The following INO80D variants were observed in gnomAD, a reference collection of about 807,000 sequenced individuals.
INO80D encodes the protein INO80 complex subunit D.
INO80D carries 21 observed loss-of-function variants against 87.6 expected under a neutral mutation model. That is an observed-to-expected ratio of 0.24 (90% CI 0.17 to 0.35). The LOEUF (loss-of-function observed/expected upper bound fraction) is 0.35. Among genes scored for constraint, INO80D ranks in the 10% least tolerant of loss-of-function variants. The pLI, the probability that INO80D is intolerant of heterozygous loss-of-function variation, is 1.00. For missense variants in INO80D, 982 were observed against 1,280.7 expected, an observed-to-expected ratio of 0.77 and a Z score of 3.56; for synonymous variants, 440 against 491.0, an observed-to-expected ratio of 0.90 and a Z score of 1.37.
intron 5 of INO80D, among the ~76,000 whole-genome samples, chr2:206,043,924 G>C (rs999694342): frequency 6.6e-6 from 1 of 152,124 alleles, no homozygotes; most frequent in Non-Finnish European, 1.5e-5. Flanking sequence ...AGGCATGGTC[G>C]CTCATGCCTA....
intron 3 of INO80D, among the ~76,000 whole-genome samples, chr2:206,059,040 C>G (rs1449626638): frequency 7.4e-6 from 1 of 135,460 alleles, no homozygotes; most frequent in African/African-American, 2.8e-5. Context: ...ACCTGAGCAA[C>G]ATAGCAAGAC....
chr2:206,028,041 C>A (rs1181132791), intron 6 of INO80D, 70 bp downstream of exon 6: 2 of 1,112,312 alleles, frequency 1.8e-6, no homozygotes, highest in East Asian at 5.3e-5. Flanking sequence ...TGTGCCTCAA[C>A]TATCCTCTCA....
At chr2:206,032,160 A>G (rs1194355487) in intron 5 of INO80D, among the ~76,000 whole-genome samples, 1 of 152,196 alleles carries the variant, frequency 6.6e-6, no homozygotes, top group Non-Finnish European at 1.5e-5. Flanking sequence ...CTTTGTAACA[A>G]TTTGAACCTG....
At chr2:206,050,496 G>GAAAAAAAAAAAAA (rs3079265) in intron 4 of INO80D, among the ~76,000 whole-genome samples, 13 of 99,572 alleles carry the variant, frequency 1.3e-4, no homozygotes, top group East Asian at 3.6e-4. Flanking sequence ...CGTCTCAAAA[G>GAAAAAAAAAAAAA]AAAAAAAAAA....
In INO80D at chr2:206,015,655, C is replaced by T. The variant is rs187688278; in HGVS notation, c.1542+2025G>A. Among the ~76,000 whole-genome samples the T allele has an allele frequency of 4.2e-4, 64 of 152,238 alleles. No homozygotes were observed. The East Asian group carries it at 4.2e-3, about 10-fold the overall frequency. ...ATCTCAGCACTATGGGAGGCTGAGGCGGGCAGATCACCTGAGGTCAGGAGT... is the reference window on the plus strand; with the variant it reads ...ATCTCAGCACTATGGGAGGCTGAGGTGGGCAGATCACCTGAGGTCAGGAGT... On this transcript the variant is annotated intron_variant, in intron 8 of 10. Transcript: ENST00000403263.
At chr2:206,023,282 C>T (rs1377058054) in intron 6 of INO80D, among the ~76,000 whole-genome samples, 1 of 152,064 alleles carries the variant, frequency 6.6e-6, no homozygotes, top group East Asian at 1.9e-4. Flanking sequence ...TAATGTCAAA[C>T]TTTTATGTAT....
At chr2:206,074,660 C>A (rs1690063013) in intron 1 of INO80D, among the ~76,000 whole-genome samples, 1 of 152,182 alleles carries the variant, frequency 6.6e-6, no homozygotes, top group Non-Finnish European at 1.5e-5. Flanking sequence ...CTCATTGGGG[C>A]TGGGCATGGC....
chr2:206,045,255 A>G (rs1689164835), intron 5 of INO80D, among the ~76,000 whole-genome samples: 1 of 152,196 alleles, frequency 6.6e-6, no homozygotes, highest in Non-Finnish European at 1.5e-5. Flanking sequence ...ATTTCTCATT[A>G]TAAGCTGGCA....
At chr2:206,015,101 C>G (rs971210717) in intron 8 of INO80D, among the ~76,000 whole-genome samples, 2 of 152,136 alleles carry the variant, frequency 1.3e-5, no homozygotes, top group Admixed American at 6.5e-5. Flanking sequence ...CAAGAGGTGA[C>G]TTGGGTGCTA....
At chr2:206,005,717 G>A (rs1271986037) in intron 10 of INO80D, among the ~76,000 whole-genome samples, 184 bp from the exon 11 acceptor site, 1 of 152,182 alleles carries the variant, frequency 6.6e-6, no homozygotes, top group African/African-American at 2.4e-5. Context: ...GGTCTGTAAC[G>A]TCAGCTACCT....
intron 5 of INO80D, among the ~76,000 whole-genome samples, chr2:206,036,113 G>C (rs1401569705): frequency 6.6e-6 from 1 of 152,258 alleles, no homozygotes; most frequent in East Asian, 1.9e-4. Context: ...TGGATGTGGT[G>C]ATCAGGGAAC....
At chr2:206,025,349 G>A (rs1349977590) in intron 6 of INO80D, among the ~76,000 whole-genome samples, 1 of 150,836 alleles carries the variant, frequency 6.6e-6, no homozygotes, top group Non-Finnish European at 1.5e-5. Flanking sequence ...CCAACATGGC[G>A]AAACTCCATT....
intron 5 of INO80D, among the ~76,000 whole-genome samples, chr2:206,034,899 G>A (rs762844303): frequency 1.3e-4 from 20 of 152,010 alleles, no homozygotes; most frequent in Admixed American, 6.6e-4. Flanking sequence ...TAAAGTGTCC[G>A]GATACAAGGT....
chr2:206,009,790 T>C lies in INO80D; in HGVS notation c.1547A>G (p.Asn516Ser). 6.2e-7 allele frequency: 1 copy of C among 1,608,096 alleles called. No individual in the cohort carries two copies. Among genetic ancestry groups the C allele is most frequent in the Non-Finnish European group, 8.5e-7 (1 of 1,176,984 alleles). Residue 516 changes from asparagine to serine, a missense_variant, in exon 9 of 11, where the codon AAT becomes AGT. Coordinates refer to ENST00000403263, the MANE Select transcript of INO80D (RefSeq NM_017759.5). ...ACGGGAGTTATCTCCTCTCAAGAAA[T>C]TATCCTTTGGAATGAATAAATAGGC... ...LCEEHAKKMD[N>S]FLRGDNSRKV...
intron 4 of INO80D, among the ~76,000 whole-genome samples, chr2:206,047,210 G>T (rs1689219444): frequency 6.6e-6 from 1 of 152,000 alleles, no homozygotes; most frequent in Non-Finnish European, 1.5e-5. Context: ...GTCACAAAAA[G>T]GCAGAATTTC....
chr2:206,028,579 T>C (rs1575819916), intron 5 of INO80D, among the ~76,000 whole-genome samples: 1 of 152,188 alleles, frequency 6.6e-6, no homozygotes. Flanking sequence ...ATGGCATCAG[T>C]AGACACTTAA....
In INO80D at chr2:206,046,668, T is replaced by G. The variant is rs948655788; in HGVS notation, c.965-56A>C. On this transcript the variant is annotated intron_variant, in intron 4 of 10. Transcript: ENST00000403263. ...AAAAAGTTTACTTTTATTCAAAATT[T>G]AAACTAAAAAGCTACACAAAATAAC... The G allele has an allele frequency of 5.2e-6, 6 of 1,163,140 alleles. No individual in the cohort carries two copies. In the African/African-American group the frequency reaches 9.1e-5, roughly 18 times the overall value. 72.1% of individuals were successfully genotyped at this position (1,163,140 alleles called of 1,614,324 possible). A position where few individuals can be genotyped will look rare whatever the true frequency, so the allele number is the denominator to read the frequency against.
intron 6 of INO80D, among the ~76,000 whole-genome samples, chr2:206,022,316 G>A (rs1220391999): frequency 1.3e-5 from 2 of 151,392 alleles, no homozygotes; most frequent in African/African-American, 2.4e-5. Context: ...GCAGTGAGCC[G>A]AGATCACACC....
At position 206,019,626 on chromosome 2, in the gene INO80D, A is replaced by T. The variant is rs969088866; in HGVS notation, c.1408+110T>A. The T allele has an allele frequency of 1.0e-5, 7 of 700,570 alleles. No homozygotes were observed. The East Asian group carries it at 2.0e-4, about 20-fold the overall frequency. 43.4% of individuals were successfully genotyped at this position (700,570 alleles called of 1,614,324 possible). ...TATGTTCGATAAAATTATTTTAAAC[A>T]TTAAACAGTTATGGTTTCAAAAGTC... On this transcript the variant is annotated intron_variant, in intron 7 of 10. Transcript: ENST00000403263.
Sources: gnomAD v4.1 joint callset for allele counts (sites outside exome capture counted in the v4.1 genomes callset) on GRCh38, gnomAD v4.1.1 for gene constraint, MANE v1.5 for transcripts, NCBI Gene and HGNC (gene_info 2026-07-23, HGNC 2026-07-21) for gene names.